Variants in SLC8A1 observed in about 807,000 individuals in gnomAD.
The protein encoded by SLC8A1 is sodium/calcium exchanger 1.
A neutral mutation model predicts 68.3 loss-of-function variants in SLC8A1; 18 were observed. The ratio of observed to expected loss-of-function variants is 0.26; its 90% CI spans 0.18 to 0.39. The LOEUF (loss-of-function observed/expected upper bound fraction) is 0.39, where lower values mean the gene tolerates loss of function less well. Ranked by LOEUF, SLC8A1 falls within the 10% of genes least tolerant of loss-of-function variation. The probability of loss-of-function intolerance (pLI) is 1.00; values close to 1 mark genes in which losing one functional copy is unlikely to be tolerated. For missense variants in SLC8A1, 985 were observed against 1,156.7 expected (o/e 0.85, Z 2.15); for synonymous variants, 475 against 415.5 (o/e 1.14, Z -1.74).
intron 2 of SLC8A1, among the ~76,000 whole-genome samples, chr2:40,324,687 C>T (rs1215296216): frequency 2.9e-4 from 44 of 151,932 alleles, no homozygotes; most frequent in Admixed American, 2.9e-3. Context: ...TTCCTTCTTC[C>T]CTCCCTGTCT....
In SLC8A1 at chr2:40,467,072, G is replaced by A. The variant is rs566146465; in HGVS notation, c.-24-36768C>T. 9.2e-5 allele frequency among the ~76,000 whole-genome samples: 14 copies of A among 152,142 alleles called. No homozygotes were observed. In the South Asian group the frequency reaches 2.9e-3, roughly 32 times the overall value. The stretch of plus-strand genomic sequence containing the variant: ...GAAATCCCACCTGGTGCACACCAGG[G>A]GGACAGTTAATTAAAGCCTCTGTAG... On this transcript the variant is annotated intron_variant, in intron 1 of 7. Transcript: ENST00000402441.
At chr2:40,372,429 C>G (rs1333848452) in intron 2 of SLC8A1, among the ~76,000 whole-genome samples, 1 of 152,108 alleles carries the variant, frequency 6.6e-6, no homozygotes, top group African/African-American at 2.4e-5. Context: ...AAGCCACAAA[C>G]TCCTCTCCCT....
chr2:40,281,405 G>C lies in SLC8A1; in HGVS notation c.1809-103550C>G, dbSNP rs570894233. Among the ~76,000 whole-genome samples, 5 of 152,310 alleles carry C rather than the reference G, an allele frequency of 3.3e-5. No individual in the cohort carries two copies. In the South Asian group the frequency reaches 1.0e-3, roughly 32 times the overall value. ...CTGTTGGTCAGCATTCTCAGTGCCT[G>C]AGTTGAAAGGTGCTATAAACAGAGA... On this transcript the variant is annotated intron_variant, in intron 2 of 7. Transcript: ENST00000406785.
chr2:40,105,723 AAAC>A (rs1462262079), exon 8 of SLC8A1: 2 of 151,648 alleles, frequency 1.3e-5, no homozygotes, highest in African/African-American at 4.8e-5. Flanking sequence ...TTGTCAAACA[AAAC>A]AGGCTGGTTC....
At chr2:40,177,725 C>G (rs1365261487) in intron 3 of SLC8A1, 1 of 1,365,460 alleles carries the variant, frequency 7.3e-7, no homozygotes, top group Non-Finnish European at 1.0e-6. Context: ...CAATTTCTCG[C>G]TGGTATGTCT....
At chr2:40,244,735 G>A (rs1387401233) in intron 2 of SLC8A1, among the ~76,000 whole-genome samples, 1 of 152,144 alleles carries the variant, frequency 6.6e-6, no homozygotes, top group Admixed American at 6.5e-5. Flanking sequence ...TCTGCAAGAA[G>A]TGCTGCCCCA....
intron 2 of SLC8A1, among the ~76,000 whole-genome samples, chr2:40,406,077 A>AAATGC (rs1690232606): frequency 2.6e-5 from 4 of 152,232 alleles, no homozygotes; most frequent in Admixed American, 2.6e-4. Flanking sequence ...ACTAGTGGAA[A>AAATGC]AATGCAGTTA....
chr2:40,497,021 A>G (rs112005611), intron 1 of SLC8A1, among the ~76,000 whole-genome samples: 7 of 151,898 alleles, frequency 4.6e-5, no homozygotes, highest in African/African-American at 1.7e-4. Flanking sequence ...ACATGTATAC[A>G]TATGTAACTA....
chr2:40,288,965 G>A (rs887003628), intron 2 of SLC8A1, among the ~76,000 whole-genome samples: 2 of 150,202 alleles, frequency 1.3e-5, no homozygotes, highest in African/African-American at 4.9e-5. Context: ...CTCCCAAAAT[G>A]TCAGTATGTT....
chr2:40,254,228 A>C (rs1428790217), intron 2 of SLC8A1, among the ~76,000 whole-genome samples: 1 of 152,230 alleles, frequency 6.6e-6, no homozygotes, highest in African/African-American at 2.4e-5. Context: ...AGTCATTGAT[A>C]AATTAAAAAT....
At chr2:40,374,928 A>G (rs1336595179) in intron 2 of SLC8A1, among the ~76,000 whole-genome samples, 1 of 152,144 alleles carries the variant, frequency 6.6e-6, no homozygotes, top group Non-Finnish European at 1.5e-5. Flanking sequence ...GGAGCCCCTT[A>G]TATTTTCATC....
At chr2:40,403,047 T>G (rs549442613) in intron 2 of SLC8A1, among the ~76,000 whole-genome samples, 1 of 152,304 alleles carries the variant, frequency 6.6e-6, no homozygotes, top group South Asian at 2.1e-4. Flanking sequence ...GACACTCAAA[T>G]GTATAAGATG....
chr2:40,299,676 T>C (rs115621908), intron 2 of SLC8A1, among the ~76,000 whole-genome samples: 3,954 of 152,214 alleles, frequency 0.026, 152 homozygotes, highest in African/African-American at 0.09. Context: ...TTCAATGCCA[T>C]TGCTCTATGC....
intron 2 of SLC8A1, among the ~76,000 whole-genome samples, chr2:40,253,857 G>T (rs1182951482): frequency 1.6e-5 from 2 of 127,704 alleles, no homozygotes; most frequent in Non-Finnish European, 3.3e-5. Flanking sequence ...AAAAAAAAAA[G>T]GCTAGGAAGG....
At chr2:40,511,566 A>G (rs1179625373) in intron 1 of SLC8A1, among the ~76,000 whole-genome samples, 1 of 152,158 alleles carries the variant, frequency 6.6e-6, no homozygotes, top group Non-Finnish European at 1.5e-5. Flanking sequence ...ACCTTGCATC[A>G]TTCCTGAGAC....
At chr2:40,172,180 G>C (rs1329997699) in intron 4 of SLC8A1, among the ~76,000 whole-genome samples, 1 of 152,192 alleles carries the variant, frequency 6.6e-6, no homozygotes, top group Non-Finnish European at 1.5e-5. Context: ...TTTCGCTGTA[G>C]ACCTAAGTTT....
At chr2:40,323,240 T>C (rs574059530) in intron 2 of SLC8A1, among the ~76,000 whole-genome samples, 2 of 152,318 alleles carry the variant, frequency 1.3e-5, no homozygotes, top group South Asian at 4.1e-4. Flanking sequence ...TCCATTGCAG[T>C]GTTTCCTTGA....
chr2:40,230,567 T>TA (rs1271811877), intron 2 of SLC8A1, among the ~76,000 whole-genome samples: 3 of 152,170 alleles, frequency 2.0e-5, no homozygotes, highest in African/African-American at 7.2e-5. Flanking sequence ...ATACACATGA[T>TA]AGGCGTGTGC....
At chr2:40,395,787 CA>C (rs1175455418) in intron 2 of SLC8A1, among the ~76,000 whole-genome samples, 1 of 152,056 alleles carries the variant, frequency 6.6e-6, no homozygotes, top group Non-Finnish European at 1.5e-5. Context: ...GTTCCTTAAC[CA>C]AAGGCTTTAC....
Sources: allele counts gnomAD v4.1 joint callset (sites outside exome capture counted in the v4.1 genomes callset), GRCh38; gene constraint gnomAD v4.1.1; transcripts MANE v1.5; gene names NCBI Gene and HGNC (gene_info 2026-07-23, HGNC 2026-07-21).